ZEB1: variants seen among roughly 807,000 people sequenced by gnomAD.
The protein encoded by ZEB1 is zinc finger E-box binding homeobox 1, also known as zinc finger E-box-binding homeobox 1.
Under a neutral mutation model 84.9 loss-of-function variants are expected in ZEB1, and 21 were observed. The ratio of observed to expected loss-of-function variants is 0.25; its 90% confidence interval spans 0.18 to 0.36. The LOEUF (loss-of-function observed/expected upper bound fraction) is 0.36. Ranked by LOEUF, ZEB1 falls within the 10% of genes least tolerant of loss-of-function variation. The pLI, the probability that ZEB1 is intolerant of heterozygous loss-of-function variation, is 1.00. For missense variants in ZEB1, 1,104 were observed against 1,330.2 expected (o/e 0.83, Z 2.65); for synonymous variants, 420 against 471.1 (o/e 0.89, Z 1.41).
At chr10:31,371,095 C>T (rs999069312) in intron 1 of ZEB1, among the ~76,000 whole-genome samples, 1 of 152,048 alleles carries the variant, frequency 6.6e-6, no homozygotes, top group Non-Finnish European at 1.5e-5. Context: ...TCATGATCAT[C>T]GTCTGCTGGA....
intron 1 of ZEB1, among the ~76,000 whole-genome samples, chr10:31,421,551 T>G (rs1486328407): frequency 6.6e-6 from 1 of 152,112 alleles, no homozygotes; most frequent in Non-Finnish European, 1.5e-5. Flanking sequence ...TTCTCTTTTC[T>G]CTTTCTGAAA....
intron 2 of ZEB1, among the ~76,000 whole-genome samples, chr10:31,471,750 G>C (rs2063286912): frequency 7.0e-6 from 1 of 143,164 alleles, no homozygotes; most frequent in African/African-American, 2.8e-5. Context: ...CAAATCAACA[G>C]AATATACATT....
intron 1 of ZEB1, among the ~76,000 whole-genome samples, chr10:31,457,614 G>GA (rs2061382058): frequency 6.6e-6 from 1 of 151,980 alleles, no homozygotes; most frequent in South Asian, 2.1e-4. Flanking sequence ...TTGGATTTAT[G>GA]ACATAATCTA....
chr10:31,393,246 T>C (rs748280033), intron 1 of ZEB1, among the ~76,000 whole-genome samples: 20 of 152,184 alleles, frequency 1.3e-4, no homozygotes, highest in Non-Finnish European at 2.6e-4. Context: ...CATTATAGTT[T>C]TGGTTTTGTT....
chr10:31,407,740 A>G (rs1351745292), intron 1 of ZEB1, among the ~76,000 whole-genome samples: 1 of 151,904 alleles, frequency 6.6e-6, no homozygotes, highest in Non-Finnish European at 1.5e-5. Context: ...GATGGGACGT[A>G]TCTCAAAATA....
At chr10:31,344,358 G>T (rs2039925128) in intron 1 of ZEB1, among the ~76,000 whole-genome samples, 1 of 151,760 alleles carries the variant, frequency 6.6e-6, no homozygotes, top group African/African-American at 2.4e-5. Context: ...TGGTAATTTT[G>T]ACAATTTGTC....
At chr10:31,408,989 C>A (rs1237541530) in intron 1 of ZEB1, among the ~76,000 whole-genome samples, 1 of 151,372 alleles carries the variant, frequency 6.6e-6, no homozygotes, top group African/African-American at 2.4e-5. Context: ...TTTTTGCAAC[C>A]TACTCATCTG....
chr10:31,517,781 A>T (rs1453422437), intron 6 of ZEB1, among the ~76,000 whole-genome samples: 1 of 152,172 alleles, frequency 6.6e-6, no homozygotes, highest in Non-Finnish European at 1.5e-5. Context: ...ACTAGCACTT[A>T]TTGGATCCTT....
intron 1 of ZEB1, among the ~76,000 whole-genome samples, chr10:31,460,654 A>T (rs1008155200): frequency 6.6e-6 from 1 of 152,166 alleles, no homozygotes; most frequent in African/African-American, 2.4e-5. Flanking sequence ...TGGCTCTGCC[A>T]CTTCCTAGCT....
chr10:31,446,330 T>G (rs1241667554), intron 1 of ZEB1, among the ~76,000 whole-genome samples: 1 of 152,184 alleles, frequency 6.6e-6, no homozygotes, highest in Non-Finnish European at 1.5e-5. Context: ...TTGCTAGTGG[T>G]CTATCAATTT....
At chr10:31,395,344 A>C (rs1227666212) in intron 1 of ZEB1, among the ~76,000 whole-genome samples, 1 of 152,044 alleles carries the variant, frequency 6.6e-6, no homozygotes, top group Non-Finnish European at 1.5e-5. Flanking sequence ...AATATACTTC[A>C]TCTAAACTAG....
intron 1 of ZEB1, among the ~76,000 whole-genome samples, chr10:31,397,926 G>T (rs1327048579): frequency 6.6e-6 from 1 of 152,050 alleles, no homozygotes; most frequent in African/African-American, 2.4e-5. Flanking sequence ...TTTTGAAGTT[G>T]GGAGTATATT....
chr10:31,456,807 C>G (rs975542329), intron 1 of ZEB1, among the ~76,000 whole-genome samples: 2 of 152,098 alleles, frequency 1.3e-5, no homozygotes, highest in African/African-American at 4.8e-5. Context: ...GAAAACACTT[C>G]TCTAGTCCTT....
chr10:31,363,035 G>A, intron 1 of ZEB1: 1 of 1,533,870 alleles, frequency 6.5e-7, no homozygotes, highest in East Asian at 2.4e-5. Context: ...AGTTGCAGGG[G>A]AGGGGTCGGT....
chr10:31,406,200 T>C (rs2052987916), intron 1 of ZEB1, among the ~76,000 whole-genome samples: 1 of 152,156 alleles, frequency 6.6e-6, no homozygotes, highest in Non-Finnish European at 1.5e-5. Flanking sequence ...ATCCTTTGGG[T>C]ATATACTCAA....
intron 1 of ZEB1, among the ~76,000 whole-genome samples, chr10:31,391,033 C>T (rs1350385302): frequency 6.6e-6 from 1 of 152,118 alleles, no homozygotes; most frequent in Admixed American, 6.6e-5. Flanking sequence ...AGGTGCATGA[C>T]TCAAGATGAC....
intron 4 of ZEB1, 152 bp from the exon 5 acceptor site, chr10:31,510,521 A>T (rs1425337037): frequency 3.8e-5 from 25 of 655,332 alleles, no homozygotes; most frequent in Non-Finnish European, 6.1e-5. Context: ...TCTCTCTCTT[A>T]TAAAATAGAG....
At chr10:31,516,611 C>G (rs2071210880) in intron 6 of ZEB1, among the ~76,000 whole-genome samples, 2 of 141,158 alleles carry the variant, frequency 1.4e-5, no homozygotes, top group Non-Finnish European at 3.0e-5. Flanking sequence ...TTCTTCCTTC[C>G]TGATACCAAG....
intron 1 of ZEB1, among the ~76,000 whole-genome samples, chr10:31,416,115 T>C (rs77194800): frequency 1.3e-5 from 2 of 152,010 alleles, no homozygotes; most frequent in African/African-American, 4.8e-5. Context: ...ATCTAAGAAG[T>C]GATTTTTTTT....
Sources: allele counts gnomAD v4.1 joint callset (sites outside exome capture counted in the v4.1 genomes callset), GRCh38; gene constraint gnomAD v4.1.1; transcripts MANE v1.5; gene names NCBI Gene and HGNC (gene_info 2026-07-23, HGNC 2026-07-21).